The following EXPH5 variants were observed in gnomAD, a reference collection of about 807,000 sequenced individuals.
EXPH5 encodes the protein exophilin-5.
Under a neutral mutation model 41.1 loss-of-function variants are expected in EXPH5, and 42 were observed. The observed-to-expected ratio is 1.02, with a 90% confidence interval of 0.80 to 1.32. The LOEUF (loss-of-function observed/expected upper bound fraction) is 1.32, where lower values mean the gene tolerates loss of function less well. Among genes scored for constraint, EXPH5 ranks in the 40% most tolerant of loss-of-function variants. EXPH5 has a pLI of 0.00. For synonymous variants in EXPH5, 798 were observed against 833.5 expected, an observed-to-expected ratio of 0.96 and a Z score of 0.73; for missense variants, 2,298 against 2,314.5, an observed-to-expected ratio of 0.99 and a Z score of 0.15.
At chr11:108,565,724 G>A (rs2094031758) in intron 1 of EXPH5, among the ~76,000 whole-genome samples, 2 of 152,170 alleles carry the variant, frequency 1.3e-5, no homozygotes, top group African/African-American at 4.8e-5. Context: ...TGACATCTAT[G>A]TGTCTCATCT....
intron 5 of EXPH5, among the ~76,000 whole-genome samples, chr11:108,517,582 A>T (rs1232516180): frequency 6.6e-6 from 1 of 152,226 alleles, no homozygotes; most frequent in Non-Finnish European, 1.5e-5. Flanking sequence ...AATAAGATAC[A>T]TGTGCATTTG....
At chr11:108,557,448 A>C (rs2093994894) in intron 1 of EXPH5, among the ~76,000 whole-genome samples, 1 of 152,184 alleles carries the variant, frequency 6.6e-6, no homozygotes. Flanking sequence ...GGTTCAGGGA[A>C]TTCTCGTGTC....
At chr11:108,557,260 G>A (rs983620219) in intron 1 of EXPH5, among the ~76,000 whole-genome samples, 2 of 152,180 alleles carry the variant, frequency 1.3e-5, no homozygotes, top group South Asian at 2.1e-4. Flanking sequence ...CCAGGCTGGA[G>A]TGTTTCCAGA....
chr11:108,585,014 T>G (rs2094109274), intron 1 of EXPH5, among the ~76,000 whole-genome samples: 1 of 152,168 alleles, frequency 6.6e-6, no homozygotes. Context: ...AACAGGAGAC[T>G]TGTATCTGGA....
At chr11:108,555,059 A>G (rs2093984102) in intron 1 of EXPH5, among the ~76,000 whole-genome samples, 1 of 152,240 alleles carries the variant, frequency 6.6e-6, no homozygotes, top group Admixed American at 6.5e-5. Context: ...AAATCACAGC[A>G]TGATCATGAG....
At position 108,509,797 on chromosome 11, in the gene EXPH5, A is replaced by G. The variant is rs1459391622; in HGVS notation, c.5710T>C (p.Ser1904Pro). ...TTCCATAATCTTCCTTGTGTAAGTG[A>G]CCTCTTTACATTTTCTAAGAAAGCT... ...QLAFLENVKR[S>P]LTQGRLWKPS... The change falls in exon 6 of 6, where the codon TCA becomes CCA. Residue 1904 changes from serine to proline, a missense_variant. Coordinates refer to ENST00000265843, the MANE Select transcript of EXPH5 (RefSeq NM_015065.3). 1 of 1,612,566 alleles carries G rather than the reference A, an allele frequency of 6.2e-7. No individual in the cohort carries two copies. Among genetic ancestry groups the G allele is most frequent in the Non-Finnish European group, 8.5e-7 (1 of 1,179,606 alleles).
intron 4 of EXPH5, among the ~76,000 whole-genome samples, chr11:108,520,983 C>G (rs1381993980): frequency 6.6e-6 from 1 of 152,184 alleles, no homozygotes; most frequent in African/African-American, 2.4e-5. Context: ...CCACCCCATG[C>G]CTTCACTTTC....
At position 108,509,446 on chromosome 11, in the gene EXPH5, A is replaced by T; in HGVS notation, c.*91T>A. 1 of 1,271,006 alleles carries T rather than the reference A, an allele frequency of 7.9e-7. No homozygotes were observed. Among genetic ancestry groups the T allele is most frequent in the Non-Finnish European group, 1.1e-6 (1 of 929,314 alleles). 78.7% of individuals were successfully genotyped at this position (1,271,006 alleles called of 1,614,324 possible). On this transcript the variant is annotated 3_prime_UTR_variant, in exon 6 of 6. Transcript: ENST00000265843. ...TCAGAGCAGACACTGCCCAGACTAG[A>T]TCTTTTATCCTTCCATGCACATGCA... is the stretch of plus-strand genomic sequence containing the variant.
chr11:108,564,158 G>A (rs2094024716), intron 1 of EXPH5, among the ~76,000 whole-genome samples: 1 of 151,966 alleles, frequency 6.6e-6, no homozygotes, highest in Non-Finnish European at 1.5e-5. Flanking sequence ...CATGGTGGTG[G>A]GCATCTGTAA....
At chr11:108,600,601 A>T in the EXPH5 span, among the ~76,000 whole-genome samples, 120,269 of 152,056 alleles carry the variant, frequency 0.79, 49,520 homozygotes, top group Non-Finnish European at 0.91. Context: ...GTCTGGGTGG[A>T]AGACTTTAAG....
At chr11:108,579,610 C>T (rs756688123) in intron 1 of EXPH5, among the ~76,000 whole-genome samples, 2 of 151,908 alleles carry the variant, frequency 1.3e-5, no homozygotes, top group Non-Finnish European at 2.9e-5. Context: ...CACCCTGTCT[C>T]TCCTAGGAAA....
At position 108,511,706 on chromosome 11, in the gene EXPH5, G is replaced by A. The variant is rs771059816; in HGVS notation, c.3801C>T (p.Leu1267=). Residue 1267 remains leucine (L), a synonymous_variant, in exon 6 of 6, where the codon CTC becomes CTT. Coordinates refer to ENST00000265843, the MANE Select transcript of EXPH5 (RefSeq NM_015065.3). The stretch of plus-strand genomic sequence containing the variant: ...TAGTATTTTGTGTATACTGTTGAAG[G>A]AGGTTACAGAATTTTTTGCTGGGTT... The part of the protein sequence containing the change: ...PRKPSKKFCN[L]LQQYTQNTNL... 5 of 1,607,886 alleles carry A rather than the reference G, an allele frequency of 3.1e-6. No homozygotes were observed. Among genetic ancestry groups the A allele is most frequent in the Middle Eastern group, 1.7e-4 (1 of 6,020 alleles).
At chr11:108,577,649 C>T (rs1339948406) in intron 1 of EXPH5, among the ~76,000 whole-genome samples, 2 of 152,152 alleles carry the variant, frequency 1.3e-5, no homozygotes, top group Non-Finnish European at 2.9e-5. Context: ...TCTCGAACTC[C>T]TGACCTCAGG....
chr11:108,520,002 A>G (rs1448990613), intron 4 of EXPH5, among the ~76,000 whole-genome samples: 2 of 149,624 alleles, frequency 1.3e-5, no homozygotes, highest in African/African-American at 2.5e-5. Context: ...ATTTAGGGGG[A>G]AAAATGTGTT....
rs1340359349 is a variant in EXPH5, at chr11:108,509,079, C to T, written c.*458G>A. ...ATGATAATATTTACCCCACTGTTAT[C>T]ATCCCTACCTTTTATTTAATGTCAT... On this transcript the variant is annotated 3_prime_UTR_variant, in exon 6 of 6. Coordinates refer to ENST00000265843, the MANE Select transcript of EXPH5 (RefSeq NM_015065.3). The T allele has an allele frequency of 1.3e-5, 2 of 153,104 alleles. No individual in the cohort carries two copies. The highest frequency in any genetic ancestry group is 2.9e-5 in the Non-Finnish European group (2 of 68,742). The allele number at this position is 153,104 out of a possible 1,614,324, so 9.5% of individuals were successfully genotyped here.
intron 1 of EXPH5, among the ~76,000 whole-genome samples, chr11:108,572,012 T>C (rs2094061955): frequency 2.0e-5 from 3 of 150,676 alleles, no homozygotes; most frequent in African/African-American, 4.9e-5. Context: ...ATAGCACCAC[T>C]GCACTCCAGC....
intron 3 of EXPH5, among the ~76,000 whole-genome samples, chr11:108,531,673 C>A (rs554847668): frequency 6.6e-6 from 1 of 152,148 alleles, no homozygotes; most frequent in African/African-American, 2.4e-5. Flanking sequence ...CAAGAATATC[C>A]TTTTCTAACT....
chr11:108,546,746 G>T (rs185297713), intron 1 of EXPH5, among the ~76,000 whole-genome samples: 1 of 151,760 alleles, frequency 6.6e-6, no homozygotes, highest in Non-Finnish European at 1.5e-5. Context: ...AGGACATTGA[G>T]ATTTTTCTTT....
chr11:108,517,902 G>A (rs1002973593), intron 5 of EXPH5, among the ~76,000 whole-genome samples: 5 of 152,166 alleles, frequency 3.3e-5, no homozygotes, highest in Non-Finnish European at 7.4e-5. Flanking sequence ...GAGATTACAG[G>A]TGCGTGCCAC....
Sources: gnomAD v4.1 joint callset for allele counts (sites outside exome capture counted in the v4.1 genomes callset) on GRCh38, gnomAD v4.1.1 for gene constraint, MANE v1.5 for transcripts, NCBI Gene and HGNC (gene_info 2026-07-23, HGNC 2026-07-21) for gene names.